CEP72: variants seen among roughly 807,000 people sequenced by gnomAD.
CEP72 encodes centrosomal protein 72.
A neutral mutation model predicts 65.7 loss-of-function variants in CEP72; 78 were observed. That is an observed-to-expected ratio of 1.19 (90% CI 0.99 to 1.43). The LOEUF is 1.43. Ranked by LOEUF, CEP72 falls within the 40% of genes most tolerant of loss-of-function variation. The pLI is 0.00. For synonymous variants in CEP72, 358 were observed against 351.7 expected (o/e 1.02, Z -0.20); for missense variants, 914 against 832.9 (o/e 1.10, Z -1.20).
At chr5:632,827 G>T (rs1392956928) in intron 4 of CEP72, among the ~76,000 whole-genome samples, 10 of 63,350 alleles carry the variant, frequency 1.6e-4, no homozygotes, top group East Asian at 1.3e-3. Context: ...AGTCCTGGTG[G>T]GGTTCTGTCC....
chr5:642,735 C>T (rs545755180), intron 9 of CEP72: 1 of 985,350 alleles, frequency 1.0e-6, no homozygotes, highest in Admixed American at 6.1e-5. Context: ...GCAGCCCGAG[C>T]CCCGCGGGTA....
At chr5:636,009 G>A (rs1737573004) in intron 6 of CEP72, among the ~76,000 whole-genome samples, 1 of 152,230 alleles carries the variant, frequency 6.6e-6, no homozygotes, top group Admixed American at 6.5e-5. Flanking sequence ...CCTCCCTGAG[G>A]GCTGGCCCTG....
At chr5:619,936 T>TGG (rs1736274303) in intron 2 of CEP72, 133 bp from the exon 3 acceptor site, 1 of 696,242 alleles carries the variant, frequency 1.4e-6, no homozygotes, top group Non-Finnish European at 2.3e-6. Context: ...ATTTTTCTAC[T>TGG]TTTCCTGGTA....
chr5:669,812 C>T (rs1740139086), downstream of CEP72, among the ~76,000 whole-genome samples: 1 of 152,108 alleles, frequency 6.6e-6, no homozygotes, highest in Admixed American at 6.5e-5. Flanking sequence ...GTGCCCCCCG[C>T]CTGGGGCAGT....
At chr5:673,494 C>CCAAAGACAGAA in the CEP72 span, among the ~76,000 whole-genome samples, 2 of 152,094 alleles carry the variant, frequency 1.3e-5, no homozygotes, top group Non-Finnish European at 2.9e-5. Context: ...CTTGGCCTCC[C>CCAAAGACAGAA]CTCAGGCCGG....
At chr5:670,091 C>T (rs554138716), downstream of CEP72, among the ~76,000 whole-genome samples, 361 of 152,236 alleles carry the variant, frequency 2.4e-3, no homozygotes, top group Non-Finnish European at 3.5e-3. Flanking sequence ...CCCCTGGCCT[C>T]TGGGCCTGGT....
At chr5:660,949 A>G (rs1292306100), downstream of CEP72, 2 of 152,270 alleles carry the variant, frequency 1.3e-5, no homozygotes, top group Admixed American at 6.5e-5. Context: ...CTTGGACAGG[A>G]TATTAGAAGG....
rs1361504708 is a variant in CEP72, at chr5:624,587, C to T, written c.512+8C>T. The T allele has an allele frequency of 2.7e-5, 42 of 1,579,974 alleles. No individual in the cohort carries two copies. Among genetic ancestry groups the T allele is most frequent in the African/African-American group, 5.4e-5 (4 of 74,236 alleles). On this transcript the variant is annotated splice_region_variant and intron_variant, in intron 4 of 11. Transcript: ENST00000264935. This position sits in a 1 kb window ranked among gnomAD's most constrained non-coding sequence, Gnocchi z 4.7. ...TTCTTTGAAAGAGGGCAGGTATGAA[C>T]GGAAGTGCTACGGACACCCAGAGTG...
At chr5:663,091 T>TTCCGGTGGCCGCTCGTCTGTGATC (rs1266820183) in intron 1 of CEP72, 2 of 87,948 alleles carry the variant, frequency 2.3e-5, no homozygotes, top group Admixed American at 1.3e-4. Flanking sequence ...TGTCTGTGAT[T>TTCCGGTGGCCGCTCGTCTGTGATC]GGGCGATTCC....
At chr5:667,536 G>A (rs1739971083), downstream of CEP72, among the ~76,000 whole-genome samples, 1 of 152,152 alleles carries the variant, frequency 6.6e-6, no homozygotes, top group Admixed American at 6.5e-5. Flanking sequence ...ACAAAACATG[G>A]CCTATAGTGG....
intron 11 of CEP72, among the ~76,000 whole-genome samples, chr5:651,991 T>C (rs1739138719): frequency 6.6e-6 from 1 of 152,112 alleles, no homozygotes; most frequent in Admixed American, 6.5e-5. Context: ...ATGGGGCCCA[T>C]CACAGGTGTA....
rs1737531715 is a variant in CEP72, at chr5:635,541, C to T, written c.861C>T (p.Ala287=). ...LPPLYGAEPE[A]SRAPRPHTYF... Reference sequence around the variant, plus strand: ...CACTGTACGGAGCGGAGCCAGAGGCCTCCCGTGCCCCCAGGCCACACACGT... The same window carrying T: ...CACTGTACGGAGCGGAGCCAGAGGCTTCCCGTGCCCCCAGGCCACACACGT... The change falls in exon 6 of 12, where the codon GCC becomes GCT. Residue 287 remains alanine (A), a synonymous_variant. Coordinates refer to ENST00000264935, the MANE Select transcript of CEP72 (RefSeq NM_018140.4). 3 of 1,613,906 alleles carry T rather than the reference C, an allele frequency of 1.9e-6. No individual in the cohort carries two copies. Among genetic ancestry groups the T allele is most frequent in the Non-Finnish European group, 2.5e-6 (3 of 1,180,012 alleles).
chr5:643,769 C>T (rs560522576), intron 9 of CEP72: 66 of 546,912 alleles, frequency 1.2e-4, no homozygotes, highest in African/African-American at 3.9e-4. Context: ...CAGAGGCTGC[C>T]GTGTAGCTGC....
chr5:665,309 C>G, exon 3 of CEP72: 1 of 1,608,074 alleles, frequency 6.2e-7, no homozygotes, highest in Non-Finnish European at 8.5e-7. Flanking sequence ...GCAAGAGGAG[C>G]AGGAGGAAGG....
intron 4 of CEP72, among the ~76,000 whole-genome samples, chr5:629,115 T>G (rs549174184): frequency 1.3e-5 from 2 of 152,342 alleles, no homozygotes; most frequent in South Asian, 4.1e-4. Context: ...TGCCCTTGGG[T>G]TTGTTTTGTG....
intron 3 of CEP72, among the ~76,000 whole-genome samples, chr5:621,446 G>A (rs767797414): frequency 4.6e-4 from 70 of 152,370 alleles, no homozygotes; most frequent in Non-Finnish European, 8.1e-4. Flanking sequence ...GCTAAAGCAC[G>A]TTGGTGGGTG....
chr5:671,276 C>T (rs1160243327), downstream of CEP72, among the ~76,000 whole-genome samples: 1 of 152,152 alleles, frequency 6.6e-6, no homozygotes, highest in Non-Finnish European at 1.5e-5. Context: ...TGTGTAGTCA[C>T]CGCCCTGTGG....
chr5:628,849 C>T (rs1197095666), intron 4 of CEP72, among the ~76,000 whole-genome samples: 116 of 128,586 alleles, frequency 9.0e-4, no homozygotes, highest in Non-Finnish European at 1.1e-3. Flanking sequence ...CAGGACCCAG[C>T]GCCCTTCTTT....
chr5:612,463 G>A lies in CEP72; in HGVS notation c.82+20G>A. 2 of 1,435,554 alleles carry A rather than the reference G, an allele frequency of 1.4e-6. No homozygotes were observed. The highest frequency in any genetic ancestry group is 3.0e-5 in the African/African-American group (2 of 67,428). The allele number at this position is 1,435,554 out of a possible 1,614,324, so 88.9% of individuals were successfully genotyped here. A position where few individuals can be genotyped will look rare whatever the true frequency, so the allele number is the denominator to read the frequency against. On this transcript the variant is annotated intron_variant, in intron 1 of 11. Coordinates refer to ENST00000264935, the MANE Select transcript of CEP72 (RefSeq NM_018140.4). ...ACCTGGGTGCGCCGGAGGGCGGGCG[G>A]GGGTGCAAGCGTGAGGTGGCGGGGG...
Sources: allele counts gnomAD v4.1 joint callset (sites outside exome capture counted in the v4.1 genomes callset), GRCh38; gene constraint gnomAD v4.1.1; non-coding constraint Gnocchi (gnomAD v3.1); transcripts MANE v1.5; gene names NCBI Gene and HGNC (gene_info 2026-07-23, HGNC 2026-07-21).